ZRSR2: variants seen among roughly 807,000 people sequenced by gnomAD.
ZRSR2 encodes the protein U2 small nuclear ribonucleoprotein auxiliary factor 35 kDa subunit-related protein 2.
ZRSR2 carries 3 observed loss-of-function variants against 39.4 expected under a neutral mutation model. That is an observed-to-expected ratio of 0.08 (90% CI 0.03 to 0.20). The LOEUF is 0.20. Among genes scored for constraint, ZRSR2 ranks in the 10% least tolerant of loss-of-function variants. The pLI, the probability that ZRSR2 is intolerant of heterozygous loss-of-function variation, is 1.00. For missense variants in ZRSR2, 256 were observed against 391.5 expected, an observed-to-expected ratio of 0.65 and a Z score of 2.92; for synonymous variants, 137 against 136.0, an observed-to-expected ratio of 1.01 and a Z score of -0.05.
chrX:15,812,209 G>A (rs748904573), intron 7 of ZRSR2, among the ~76,000 whole-genome samples: 41 of 112,394 alleles, frequency 3.6e-4, no homozygotes, highest in Admixed American at 1.3e-3. Context: ...GATTACAGGC[G>A]TGAGCCACCG....
In ZRSR2 at chrX:15,806,817, A is replaced by G. The variant is rs1283466538; in HGVS notation, c.400-1416A>G. ...TGAGTAGCTGGGACTACAGGCGCCC[A>G]TCACCACACCCGGCTAATTTTTTGT... On this transcript the variant is annotated intron_variant, in intron 5 of 10. Coordinates refer to ENST00000307771, the MANE Select transcript of ZRSR2 (RefSeq NM_005089.4). Among the ~76,000 whole-genome samples the G allele has an allele frequency of 2.7e-5, 3 of 111,117 alleles. No individual in the cohort carries two copies. In the Admixed American group the frequency reaches 2.9e-4, roughly 11 times the overall value.
intron 7 of ZRSR2, among the ~76,000 whole-genome samples, chrX:15,812,602 G>A (rs899441689): frequency 9.0e-6 from 1 of 111,706 alleles, no homozygotes; most frequent in Non-Finnish European, 1.9e-5. Flanking sequence ...GCTTTGAGGG[G>A]AATCTATTTG....
chrX:15,792,523 G>T (rs1932317218), intron 2 of ZRSR2, among the ~76,000 whole-genome samples: 1 of 112,554 alleles, frequency 8.9e-6, no homozygotes. Flanking sequence ...TGCTAGGGAT[G>T]ATGTGAAACT....
At chrX:15,807,507 C>A (rs982024017) in intron 5 of ZRSR2, among the ~76,000 whole-genome samples, 5 of 107,839 alleles carry the variant, frequency 4.6e-5, no homozygotes, top group Admixed American at 3.0e-4. Flanking sequence ...CCAGGCTGGT[C>A]TAGAACTCCT....
intron 5 of ZRSR2, among the ~76,000 whole-genome samples, chrX:15,806,687 A>T (rs1295971392): frequency 9.6e-6 from 1 of 104,571 alleles, no homozygotes; most frequent in Non-Finnish European, 2.0e-5. Flanking sequence ...TCGGCCTCCC[A>T]AAGTGCTCGT....
Position 15,799,905 on chromosome X carries a change from T to C in ZRSR2, c.155T>C (p.Phe52Ser), listed in dbSNP as rs201893706. ...CAGAAGGAGGAAGAGGAGGACACTT[T>C]TATTGAAGAACAACAACTAGAAGAA... ...LSQKEEEEDT[F>S]IEEQQLEEEK... The change falls in exon 3 of 11, where the codon TTT becomes TCT. Residue 52 changes from phenylalanine (F) to serine (S), a missense_variant. By Grantham distance (155) the Phe-to-Ser change is radical. Around this residue, in one of 3 missense-constraint regions of ZRSR2, gnomAD observed 87 missense variants for 111.7 expected, o/e 0.78. Coordinates refer to ENST00000307771, the MANE Select transcript of ZRSR2 (RefSeq NM_005089.4). 3.2e-5 allele frequency: 39 copies of C among 1,203,976 alleles called. No homozygotes were observed. The highest frequency in any genetic ancestry group is 4.2e-5 in the Non-Finnish European group (37 of 891,245).
At chrX:15,792,905 T>A (rs1932328936) in intron 2 of ZRSR2, among the ~76,000 whole-genome samples, 1 of 112,299 alleles carries the variant, frequency 8.9e-6, no homozygotes, top group African/African-American at 3.2e-5. Context: ...TTCTTGGACC[T>A]TGAGAAACAT....
rs770378857 is a variant in ZRSR2 at position 15,807,620 on chromosome X, C to G, written c.400-613C>G. Among the ~76,000 whole-genome samples, 3 of 110,462 alleles carry G rather than the reference C, an allele frequency of 2.7e-5. No homozygotes were observed. In the East Asian group the frequency reaches 8.5e-4, roughly 31 times the overall value. On this transcript the variant is annotated intron_variant, in intron 5 of 10. Coordinates refer to ENST00000307771, the MANE Select transcript of ZRSR2 (RefSeq NM_005089.4). ...TTGTGTTTTATATTCACTAATACCC[C>G]CTTTTACGAACTAGGACATGGTATA...
chrX:15,791,675 G>A (rs181622248), intron 2 of ZRSR2, among the ~76,000 whole-genome samples: 1,692 of 39,078 alleles, frequency 0.043, 43 homozygotes, highest in African/African-American at 0.12. Context: ...TTTTTTTTTT[G>A]AGACGGAGTC....
chrX:15,803,613 T>A, intron 3 of ZRSR2, 75 bp from the exon 4 acceptor site: 1 of 1,111,482 alleles, frequency 9.0e-7, no homozygotes, highest in Non-Finnish European at 1.2e-6. Flanking sequence ...AAATGTGTCA[T>A]TTTGCTCTCG....
chrX:15,818,479 T>C, intron 8 of ZRSR2, 108 bp from the exon 9 acceptor site: 1 of 687,582 alleles, frequency 1.5e-6, no homozygotes. Flanking sequence ...TTTGCAATCT[T>C]TGATTGGTAA....
chrX:15,817,973 T>TA, intron 8 of ZRSR2, among the ~76,000 whole-genome samples: 1 of 112,843 alleles, frequency 8.9e-6, no homozygotes, highest in African/African-American at 3.2e-5. Context: ...CAATACGTAT[T>TA]ACCTGTTTCT....
At chrX:15,807,681 A>G in intron 5 of ZRSR2, among the ~76,000 whole-genome samples, 1 of 111,304 alleles carries the variant, frequency 9.0e-6, no homozygotes, top group Non-Finnish European at 1.9e-5. Flanking sequence ...TATTATTGAA[A>G]CTATTATAAG....
chrX:15,805,128 T>C (rs1932767060), intron 5 of ZRSR2, among the ~76,000 whole-genome samples: 1 of 112,237 alleles, frequency 8.9e-6, no homozygotes, highest in South Asian at 3.6e-4. Flanking sequence ...GTCTTCATTG[T>C]AGTCAATATG....
At chrX:15,802,233 A>G (rs1460395060) in intron 3 of ZRSR2, among the ~76,000 whole-genome samples, 3 of 112,544 alleles carry the variant, frequency 2.7e-5, no homozygotes, top group South Asian at 3.6e-4. Flanking sequence ...ATACTGCTGA[A>G]GTAATATAGA....
intron 7 of ZRSR2, among the ~76,000 whole-genome samples, chrX:15,813,675 C>G (rs1932918067): frequency 8.9e-6 from 1 of 111,949 alleles, no homozygotes; most frequent in Non-Finnish European, 1.9e-5. Flanking sequence ...AGAATTTTAA[C>G]CTCATTAAAT....
chrX:15,821,350 T>C (rs1178760216), intron 10 of ZRSR2, among the ~76,000 whole-genome samples: 1 of 110,329 alleles, frequency 9.1e-6, no homozygotes, highest in Non-Finnish European at 1.9e-5. Flanking sequence ...AAAAACACTT[T>C]ATTTTCCTTA....
intron 10 of ZRSR2, among the ~76,000 whole-genome samples, chrX:15,821,854 A>T (rs1269705595): frequency 1.8e-5 from 2 of 111,455 alleles, no homozygotes; most frequent in Non-Finnish European, 3.8e-5. Context: ...AACCCCAAAG[A>T]TCTCAAAATT....
intron 2 of ZRSR2, among the ~76,000 whole-genome samples, chrX:15,791,523 G>A (rs1932276232): frequency 9.0e-6 from 1 of 111,170 alleles, no homozygotes; most frequent in Non-Finnish European, 1.9e-5. Context: ...TGCCCAGGAG[G>A]GATGTGCACA....
Sources: allele counts gnomAD v4.1 joint callset (sites outside exome capture counted in the v4.1 genomes callset), GRCh38; gene constraint gnomAD v4.1.1; regional missense constraint gnomAD v4.1.1; transcripts MANE v1.5; gene names NCBI Gene and HGNC (gene_info 2026-07-23, HGNC 2026-07-21).